ZNF493: variants seen among roughly 807,000 people sequenced by gnomAD.
ZNF493 encodes the protein zinc finger protein 493.
Under a neutral mutation model 12.2 loss-of-function variants are expected in ZNF493, and 11 were observed. That is an observed-to-expected ratio of 0.90 (90% confidence interval 0.57 to 1.50). The LOEUF (loss-of-function observed/expected upper bound fraction) is 1.50, where lower values mean the gene tolerates loss of function less well. Among genes scored for constraint, ZNF493 ranks in the 40% most tolerant of loss-of-function variants. The probability of loss-of-function intolerance (pLI) is 0.00; values close to 1 mark genes in which losing one functional copy is unlikely to be tolerated. For synonymous variants in ZNF493, 286 were observed against 302.6 expected (o/e 0.95, Z 0.57); for missense variants, 950 against 906.6 (o/e 1.05, Z -0.61).
intron 3 of ZNF493, among the ~76,000 whole-genome samples, chr19:21,420,237 A>G (rs1906661854): frequency 1.3e-5 from 2 of 152,088 alleles, no homozygotes; most frequent in Admixed American, 1.3e-4. Context: ...TTATTGTTCT[A>G]TTTGATTCTT....
chr19:21,407,730 G>GT (rs1444981762), intron 3 of ZNF493: 9 of 980,928 alleles, frequency 9.2e-6, no homozygotes, highest in Non-Finnish European at 1.1e-5. Context: ...ATGTACTGTG[G>GT]TTTTTTATGT....
intron 1 of ZNF493, among the ~76,000 whole-genome samples, chr19:21,404,353 A>T (rs1427363415): frequency 6.6e-6 from 1 of 152,214 alleles, no homozygotes; most frequent in African/African-American, 2.4e-5. Flanking sequence ...CATCATAAAC[A>T]TTTGTCCTAA....
At chr19:21,401,457 G>A (rs931698851) in intron 1 of ZNF493, among the ~76,000 whole-genome samples, 1 of 151,788 alleles carries the variant, frequency 6.6e-6, no homozygotes, top group African/African-American at 2.4e-5. Context: ...TTAGAATAAT[G>A]CTGTTTTTAC....
chr19:21,418,918 G>A (rs945292462), intron 3 of ZNF493, among the ~76,000 whole-genome samples: 5 of 152,136 alleles, frequency 3.3e-5, no homozygotes, highest in Non-Finnish European at 5.9e-5. Flanking sequence ...CAGCGTGGGC[G>A]TTATGGCCAT....
Position 21,424,584 on chromosome 19 carries a change from C to A in ZNF493, c.1925C>A (p.Ser642Ter). The change falls in exon 4 of 4, where the codon TCA becomes TAA. Residue 642 changes from serine to a stop codon, truncating the protein, a stop_gained. Coordinates refer to ENST00000392288, the MANE Select transcript of ZNF493 (RefSeq NM_001076678.3). LOFTEE classifies it low-confidence loss of function (END_TRUNC). ...TGTGGCAAAGCTTTTAAGCGGTCCT[C>A]ACACCTCGCTGGGCACAAGCAAATT... ...EECGKAFKRS[S>*]HLAGHKQIHS... is the part of the protein sequence containing the mutation. The A allele has an allele frequency of 6.2e-7, 1 of 1,609,750 alleles. No individual in the cohort carries two copies. The highest frequency in any genetic ancestry group is 1.1e-5 in the South Asian group (1 of 90,902).
At position 21,424,084 on chromosome 19, in the gene ZNF493, C is replaced by G. The variant is rs780748909; in HGVS notation, c.1425C>G (p.Thr475=). Residue 475 remains threonine, a synonymous_variant, in exon 4 of 4, where the codon ACC becomes ACG. Transcript: ENST00000392288. ...GCAAAGCTTTTAAACGATCTTCAAC[C>G]CTTACTAAACATAGGATAATTCATA... The part of the protein sequence containing the change: ...ECGKAFKRSS[T]LTKHRIIHTE... 80 of 1,612,106 alleles carry G rather than the reference C, an allele frequency of 5.0e-5. No homozygotes were observed. The highest frequency in any genetic ancestry group is 6.8e-5 in the Non-Finnish European group (80 of 1,179,074).
intron 3 of ZNF493, among the ~76,000 whole-genome samples, chr19:21,420,084 G>A (rs2562413): frequency 6.6e-6 from 1 of 151,930 alleles, no homozygotes; most frequent in Non-Finnish European, 1.5e-5. Context: ...GAAGACTTCT[G>A]GCTTATCTCA....
At position 21,425,535 on chromosome 19, in the gene ZNF493, T is replaced by C. The variant is rs2030833774; in HGVS notation, c.*551T>C. The C allele has an allele frequency of 1.8e-6, 1 of 548,644 alleles. No homozygotes were observed. The highest frequency in any genetic ancestry group is 3.5e-6 in the Non-Finnish European group (1 of 282,614). 34.0% of individuals were successfully genotyped at this position (548,644 alleles called of 1,614,324 possible). On this transcript the variant is annotated 3_prime_UTR_variant, in exon 4 of 4. Coordinates refer to ENST00000392288, the MANE Select transcript of ZNF493 (RefSeq NM_001076678.3). ...AGAGAAAACCTACAAATGTGAGGAA[T>C]GTGGCAAAGCCTTTAGCCTGTCCCT...
At chr19:21,401,962 CATTTT>C (rs1443428094) in intron 1 of ZNF493, among the ~76,000 whole-genome samples, 2 of 148,444 alleles carry the variant, frequency 1.3e-5, no homozygotes, top group Non-Finnish European at 3.0e-5. Context: ...TTATTTATTT[CATTTT>C]ATTTATTTAT....
At chr19:21,419,528 C>T (rs143505063) in intron 3 of ZNF493, among the ~76,000 whole-genome samples, 1,739 of 152,112 alleles carry the variant, frequency 0.011, 16 homozygotes, top group Non-Finnish European at 0.018. Flanking sequence ...GAATCCAGCA[C>T]GGGAGAAAGA....
intron 3 of ZNF493, among the ~76,000 whole-genome samples, chr19:21,420,624 T>TATATATAA (rs1491161100): frequency 5.8e-5 from 1 of 17,116 alleles, no homozygotes; most frequent in African/African-American, 2.4e-4. Context: ...TATATATATA[T>TATATATAA]TTTTTTTTTT....
intron 3 of ZNF493, among the ~76,000 whole-genome samples, chr19:21,416,033 C>G (rs946820719): frequency 1.3e-4 from 20 of 152,280 alleles, no homozygotes; most frequent in Admixed American, 1.1e-3. Flanking sequence ...GAGCTATGTG[C>G]CCATTTTCTA....
In ZNF493 at chr19:21,423,175, TAACAC is replaced by T; in HGVS notation, c.519_523del (p.Asn173LysfsTer11). ...ATAAACTTTTAAATTCAAATAGACA[TAACAC>T]AAAACATACTGGAAAGAAACCTTTC... On this transcript the variant is annotated frameshift_variant, in exon 4 of 4. Transcript: ENST00000392288. LOFTEE classifies it low-confidence loss of function (END_TRUNC). The T allele has an allele frequency of 6.2e-7, 1 of 1,613,670 alleles. No homozygotes were observed. The highest frequency in any genetic ancestry group is 8.5e-7 in the Non-Finnish European group (1 of 1,179,798).
At chr19:21,403,672 A>G (rs896613767) in intron 1 of ZNF493, among the ~76,000 whole-genome samples, 2 of 152,104 alleles carry the variant, frequency 1.3e-5, no homozygotes, top group African/African-American at 2.4e-5. Context: ...TTTTTCAGCT[A>G]AATATGTCTC....
rs181874152 is a variant in ZNF493 at position 21,405,184 on chromosome 19, G to T, written c.86G>T (p.Cys29Phe). Residue 29 changes from cysteine (C) to phenylalanine (F), a missense_variant, in exon 2 of 4, where the codon TGC becomes TTC. Transcript: ENST00000392288. ...GAATTCTCTCTGGAGGAGTGGCAAT[G>T]CCTGGACACTGCTCAGCAGGATTTG... Reference protein sequence around the residue: ...AIEFSLEEWQCLDTAQQDLYR... With the variant: ...AIEFSLEEWQFLDTAQQDLYR... 10 of 1,614,034 alleles carry T rather than the reference G, an allele frequency of 6.2e-6. No homozygotes were observed. Among genetic ancestry groups the T allele is most frequent in the Non-Finnish European group, 8.5e-6 (10 of 1,179,990 alleles).
chr19:21,424,421 C>A lies in ZNF493; in HGVS notation c.1762C>A (p.Leu588Ile). The change falls in exon 4 of 4, where the codon CTT becomes ATT. Residue 588 changes from leucine (L) to isoleucine (I), a missense_variant. Transcript: ENST00000392288. ...CGKSFSVFST[L>I]TKHKIIHTDK... ...CAAATCCTTTAGTGTATTCTCAACC[C>A]TTACTAAACACAAGATAATTCATAC... 1 of 1,613,238 alleles carries A rather than the reference C, an allele frequency of 6.2e-7. No homozygotes were observed. The highest frequency in any genetic ancestry group is 8.5e-7 in the Non-Finnish European group (1 of 1,179,690).
At position 21,426,088 on chromosome 19, in the gene ZNF493, T is replaced by G. The variant is rs1297584534; in HGVS notation, c.*1104T>G. On this transcript the variant is annotated 3_prime_UTR_variant, in exon 4 of 4. Coordinates refer to ENST00000392288, the MANE Select transcript of ZNF493 (RefSeq NM_001076678.3). ...TTAACACACATACGATAATTCTTAC[T>G]GCAGAGAAACTCTACAAACCAGTAA... The G allele has an allele frequency of 3.1e-6, 1 of 323,142 alleles. No individual in the cohort carries two copies. The highest frequency in any genetic ancestry group is 4.1e-5 in the Admixed American group (1 of 24,644). 20.0% of individuals were successfully genotyped at this position (323,142 alleles called of 1,614,324 possible).
chr19:21,402,588 G>A (rs2029985239), intron 1 of ZNF493, among the ~76,000 whole-genome samples: 1 of 152,142 alleles, frequency 6.6e-6, no homozygotes, highest in African/African-American at 2.4e-5. Context: ...GCCTCTGCCT[G>A]GGATTTACAA....
intron 1 of ZNF493, 51 bp from the exon 2 acceptor site, chr19:21,405,078 C>T: frequency 2.6e-6 from 4 of 1,528,970 alleles, no homozygotes; most frequent in East Asian, 2.3e-5. Context: ...TAAATTTTGC[C>T]CACGTGTAAA....
Sources: allele counts gnomAD v4.1 joint callset (sites outside exome capture counted in the v4.1 genomes callset), GRCh38; gene constraint gnomAD v4.1.1; transcripts MANE v1.5; gene names NCBI Gene and HGNC (gene_info 2026-07-23, HGNC 2026-07-21).